Variants in DLG2 observed in about 807,000 individuals in gnomAD.
DLG2 encodes disks large homolog 2.
In DLG2, 45 loss-of-function variants were observed where a neutral mutation model predicts 132.5. The ratio of observed to expected loss-of-function variants is 0.34; its 90% CI spans 0.27 to 0.44. The LOEUF is 0.44. Ranked by LOEUF, DLG2 falls within the 20% of genes least tolerant of loss-of-function variation. The pLI, the probability that DLG2 is intolerant of heterozygous loss-of-function variation, is 1.00. For synonymous variants in DLG2, 424 were observed against 419.6 expected, an observed-to-expected ratio of 1.01 and a Z score of -0.13; for missense variants, 1,045 against 1,196.9, an observed-to-expected ratio of 0.87 and a Z score of 1.87.
chr11:84,301,301 G>C (rs1410667577), intron 7 of DLG2, among the ~76,000 whole-genome samples: 1 of 152,102 alleles, frequency 6.6e-6, no homozygotes, highest in Non-Finnish European at 1.5e-5. Flanking sequence ...CTGGTCATTA[G>C]AGAAGTGCAA....
chr11:84,200,298 T>C (rs2096575261), intron 8 of DLG2, among the ~76,000 whole-genome samples: 1 of 152,040 alleles, frequency 6.6e-6, no homozygotes, highest in South Asian at 2.1e-4. Context: ...TGAAGAAACA[T>C]TTCAGGGGAA....
chr11:84,037,589 T>C (rs1196906132), intron 11 of DLG2, among the ~76,000 whole-genome samples: 1 of 152,108 alleles, frequency 6.6e-6, no homozygotes, highest in African/African-American at 2.4e-5. Flanking sequence ...TAATATATCA[T>C]GGACAATGAA....
chr11:84,518,165 C>T (rs1274382658), intron 7 of DLG2, among the ~76,000 whole-genome samples: 4 of 92,498 alleles, frequency 4.3e-5, no homozygotes, highest in Admixed American at 9.3e-5. Context: ...TAGTGGCCAA[C>T]GTAACAACTG....
intron 8 of DLG2, among the ~76,000 whole-genome samples, chr11:84,217,266 C>A (rs887047615): frequency 2.0e-5 from 3 of 152,162 alleles, no homozygotes; most frequent in Non-Finnish European, 4.4e-5. Context: ...ATTATAGCTT[C>A]CACAATTCTC....
chr11:84,727,776 G>C (rs945907490), intron 6 of DLG2, among the ~76,000 whole-genome samples: 7 of 152,094 alleles, frequency 4.6e-5, no homozygotes, highest in African/African-American at 1.7e-4. Context: ...ATTTCCTTGA[G>C]CGGTGGTTTG....
chr11:84,659,594 A>T (rs764487971), intron 6 of DLG2, among the ~76,000 whole-genome samples: 2 of 152,216 alleles, frequency 1.3e-5, no homozygotes, highest in African/African-American at 2.4e-5. Flanking sequence ...GGTGAAATCA[A>T]GTAAGTTACT....
intron 6 of DLG2, among the ~76,000 whole-genome samples, chr11:85,085,691 T>C (rs2067832084): frequency 6.6e-6 from 1 of 152,144 alleles, no homozygotes; most frequent in Non-Finnish European, 1.5e-5. Flanking sequence ...ATTACATTAA[T>C]ATGGAGATAA....
At chr11:83,742,801 A>G (rs2092630449) in intron 18 of DLG2, among the ~76,000 whole-genome samples, 1 of 152,180 alleles carries the variant, frequency 6.6e-6, no homozygotes, top group Non-Finnish European at 1.5e-5. Flanking sequence ...TCTTGAGATT[A>G]AAGTTTCCTC....
chr11:83,582,070 C>T (rs1405427176), intron 19 of DLG2, among the ~76,000 whole-genome samples: 2 of 149,284 alleles, frequency 1.3e-5, no homozygotes, highest in African/African-American at 2.5e-5. Flanking sequence ...GATTCTCCTG[C>T]CTCAGCCTCC....
intron 9 of DLG2, among the ~76,000 whole-genome samples, chr11:84,104,616 G>A (rs946547831): frequency 2.2e-4 from 34 of 151,896 alleles, no homozygotes; most frequent in Admixed American, 1.4e-3. Flanking sequence ...TAATAAAAAC[G>A]GAAAATGTTG....
intron 6 of DLG2, among the ~76,000 whole-genome samples, chr11:84,770,194 C>G (rs1268572777): frequency 6.6e-6 from 1 of 152,142 alleles, no homozygotes; most frequent in Non-Finnish European, 1.5e-5. Context: ...CCTATTCCCA[C>G]TTCACCTTCT....
At chr11:83,695,567 T>C (rs1027356433) in intron 18 of DLG2, among the ~76,000 whole-genome samples, 1 of 152,080 alleles carries the variant, frequency 6.6e-6, no homozygotes, top group Non-Finnish European at 1.5e-5. Context: ...GTTGAAACCC[T>C]GTCTCTACTA....
intron 6 of DLG2, among the ~76,000 whole-genome samples, chr11:84,862,399 G>C (rs866706646): frequency 7.2e-5 from 11 of 152,216 alleles, no homozygotes; most frequent in African/African-American, 2.6e-4. Flanking sequence ...AACCGTTGTG[G>C]AAGACAGTGT....
chr11:85,377,138 C>A (rs1438129917), intron 3 of DLG2, among the ~76,000 whole-genome samples: 1 of 152,142 alleles, frequency 6.6e-6, no homozygotes, highest in African/African-American at 2.4e-5. Context: ...TGATTCTTAA[C>A]AATTCAACTC....
intron 3 of DLG2, among the ~76,000 whole-genome samples, chr11:85,317,953 T>A (rs1470175961): frequency 6.6e-6 from 1 of 151,838 alleles, no homozygotes; most frequent in Non-Finnish European, 1.5e-5. Flanking sequence ...AGTGTGCACA[T>A]CTGTGTGTCT....
At chr11:84,778,852 A>C (rs941875563) in intron 6 of DLG2, among the ~76,000 whole-genome samples, 1 of 152,198 alleles carries the variant, frequency 6.6e-6, no homozygotes, top group African/African-American at 2.4e-5. Context: ...TGGCTAGAGA[A>C]AGCAGGCAGA....
At chr11:85,149,085 T>A (rs553258272) in intron 5 of DLG2, among the ~76,000 whole-genome samples, 1 of 152,314 alleles carries the variant, frequency 6.6e-6, no homozygotes, top group East Asian at 1.9e-4. Context: ...TTCTGAGGTC[T>A]CTGTCCTGTT....
chr11:84,085,920 C>T (rs1030269996), intron 10 of DLG2, among the ~76,000 whole-genome samples: 7 of 152,134 alleles, frequency 4.6e-5, no homozygotes, highest in Non-Finnish European at 8.8e-5. Flanking sequence ...AATTAATCCC[C>T]TAAATTGTAA....
At chr11:84,587,927 T>C (rs1174370375) in intron 6 of DLG2, among the ~76,000 whole-genome samples, 1 of 152,192 alleles carries the variant, frequency 6.6e-6, no homozygotes, top group Non-Finnish European at 1.5e-5. Flanking sequence ...TGAACCATGG[T>C]GATCATAACT....
Sources: gnomAD v4.1 joint callset for allele counts (sites outside exome capture counted in the v4.1 genomes callset) on GRCh38, gnomAD v4.1.1 for gene constraint, MANE v1.5 for transcripts, NCBI Gene and HGNC (gene_info 2026-07-23, HGNC 2026-07-21) for gene names.